The following BMP7 variants were observed in gnomAD, a reference collection of about 807,000 sequenced individuals.
BMP7 encodes the protein bone morphogenetic protein 7, also known as osteogenic protein 1.
A neutral mutation model predicts 41.2 loss-of-function variants in BMP7; 12 were observed. The ratio of observed to expected loss-of-function variants is 0.29; its 90% confidence interval spans 0.19 to 0.47. The LOEUF (loss-of-function observed/expected upper bound fraction) is 0.47, where lower values mean the gene tolerates loss of function less well. BMP7 is among the 20% of genes least tolerant of loss of function. The probability of loss-of-function intolerance (pLI) is 0.99; values close to 1 mark genes in which losing one functional copy is unlikely to be tolerated. For synonymous variants in BMP7, 248 were observed against 250.0 expected (o/e 0.99, Z 0.07); for missense variants, 467 against 606.0 (o/e 0.77, Z 2.41).
chr20:57,234,261 T>C (rs2066039686), intron 1 of BMP7, among the ~76,000 whole-genome samples: 1 of 152,226 alleles, frequency 6.6e-6, no homozygotes, highest in Admixed American at 6.5e-5. Flanking sequence ...TTTATTTTTA[T>C]TGGAACCTGG....
chr20:57,219,044 G>A (rs966513771), intron 2 of BMP7, among the ~76,000 whole-genome samples: 19 of 145,034 alleles, frequency 1.3e-4, no homozygotes, highest in South Asian at 1.3e-3. Flanking sequence ...GCTGGCGTTC[G>A]GTGGTAGCTG....
intron 2 of BMP7, among the ~76,000 whole-genome samples, chr20:57,226,205 GT>G (rs1201453954): frequency 6.6e-5 from 10 of 152,218 alleles, no homozygotes; most frequent in Admixed American, 2.0e-4. Flanking sequence ...ATGGGACCAG[GT>G]GCCCACAAAG....
intron 1 of BMP7, among the ~76,000 whole-genome samples, chr20:57,249,933 A>G (rs1309951653): frequency 1.3e-5 from 2 of 152,154 alleles, no homozygotes; most frequent in Non-Finnish European, 2.9e-5. Context: ...CAGAGAGGGA[A>G]ACTGAGGCCC....
At chr20:57,226,242 G>A (rs547675568) in intron 2 of BMP7, among the ~76,000 whole-genome samples, 2 of 152,318 alleles carry the variant, frequency 1.3e-5, no homozygotes, top group South Asian at 2.1e-4. Flanking sequence ...AAGAGCTGCC[G>A]GAGCTGAGTG....
intron 2 of BMP7, among the ~76,000 whole-genome samples, chr20:57,216,048 CTCAAAAACAGAGGCTGGGT>C (rs1985009058): frequency 1.3e-5 from 2 of 152,274 alleles, no homozygotes; most frequent in Admixed American, 1.3e-4. Flanking sequence ...ATTCAAGATT[CTCAAAAACAGAGGCTGGGT>C]TGGAACATCT....
intron 2 of BMP7, among the ~76,000 whole-genome samples, chr20:57,217,244 G>T (rs1002432): frequency 0.13 from 19,570 of 145,864 alleles, 3,124 homozygotes; most frequent in African/African-American, 0.39. Flanking sequence ...GGCTGAGCCC[G>T]CTCCCTAAGC....
In BMP7 at chr20:57,213,733, T is replaced by C. The variant is rs1270439692; in HGVS notation, c.612-11110A>G. Among the ~76,000 whole-genome samples the C allele has an allele frequency of 6.6e-6, 1 of 152,132 alleles. No homozygotes were observed. The highest frequency in any genetic ancestry group is 1.5e-5 in the Non-Finnish European group (1 of 68,004). On this transcript the variant is annotated intron_variant, in intron 2 of 6. Transcript: ENST00000395863. This position sits in a 1 kb window ranked among gnomAD's most constrained non-coding sequence, Gnocchi z 4.4. ...CCAGAGTGGTCCTCGGGTCCCACAG[T>C]GGGTGCTCAGGGATGTAGGCTGTAG...
intron 1 of BMP7, among the ~76,000 whole-genome samples, chr20:57,250,417 G>T (rs1208342157): frequency 6.7e-6 from 1 of 148,756 alleles, no homozygotes; most frequent in Admixed American, 6.7e-5. Context: ...TGTAGTTCCA[G>T]CTGCTCAGGA....
At chr20:57,252,334 G>C (rs780547737) in intron 1 of BMP7, among the ~76,000 whole-genome samples, 3 of 152,240 alleles carry the variant, frequency 2.0e-5, no homozygotes, top group Non-Finnish European at 4.4e-5. Flanking sequence ...GGGGTCTGAA[G>C]CAAGCAGGTC....
intron 1 of BMP7, 142 bp downstream of exon 1, chr20:57,265,562 TG>T: frequency 7.5e-7 from 1 of 1,335,990 alleles, no homozygotes; most frequent in Non-Finnish European, 1.0e-6. Context: ...CATAGGGCTG[TG>T]GGTGGGAGAC....
rs1984977194 is a variant in BMP7 at position 57,214,906 on chromosome 20, A to G, written c.612-12283T>C. ...TTAGCACAAAGCAGGCCTCAGATGC[A>G]CGCTGGACAAATGTGCTGGTATCCT... On this transcript the variant is annotated intron_variant, in intron 2 of 6. Transcript: ENST00000395863. The surrounding 1 kb of genome is among the most constrained non-coding windows in gnomAD (Gnocchi z 4.0). 1 of 152,294 alleles carries G rather than the reference A, an allele frequency of 6.6e-6. No individual in the cohort carries two copies. Among genetic ancestry groups the G allele is most frequent in the East Asian group, 1.9e-4 (1 of 5,200 alleles). 9.4% of individuals were successfully genotyped at this position (152,294 alleles called of 1,614,324 possible).
intron 3 of BMP7, among the ~76,000 whole-genome samples, chr20:57,188,453 G>A (rs1984271430): frequency 6.6e-6 from 1 of 151,952 alleles, no homozygotes. Flanking sequence ...GGGGTTGGGG[G>A]AGCAGAGAGT....
At chr20:57,251,926 T>C (rs1178793347) in intron 1 of BMP7, among the ~76,000 whole-genome samples, 3 of 152,146 alleles carry the variant, frequency 2.0e-5, no homozygotes, top group African/African-American at 7.2e-5. Flanking sequence ...AGAGCAAGGC[T>C]CTGTCTCAAA....
intron 4 of BMP7, among the ~76,000 whole-genome samples, chr20:57,179,817 A>G (rs1387633526): frequency 2.0e-5 from 3 of 152,174 alleles, no homozygotes; most frequent in Non-Finnish European, 1.5e-5. Context: ...AGCTGCAAAC[A>G]GGGCCACGAG....
intron 2 of BMP7, among the ~76,000 whole-genome samples, chr20:57,207,956 AG>A (rs1445143563): frequency 6.7e-6 from 1 of 150,058 alleles, no homozygotes; most frequent in East Asian, 2.0e-4. Context: ...CAGCCTCCCC[AG>A]TAGCTGGGAC....
At position 57,205,432 on chromosome 20, in the gene BMP7, C is replaced by T. The variant is rs193095424; in HGVS notation, c.612-2809G>A. ...TTCCTGCTGTCTTATCTCCAGTTTGCCTGGATGACTTTCCTGGCTTTGAAA... is the reference window on the plus strand; with the variant it reads ...TTCCTGCTGTCTTATCTCCAGTTTGTCTGGATGACTTTCCTGGCTTTGAAA... On this transcript the variant is annotated intron_variant, in intron 2 of 6. Coordinates refer to ENST00000395863, the MANE Select transcript of BMP7 (RefSeq NM_001719.3). 7.6e-3 allele frequency among the ~76,000 whole-genome samples: 1,157 copies of T among 152,284 alleles called. 5 individuals are homozygous for T. The highest frequency in any genetic ancestry group is 0.011 in the Non-Finnish European group (747 of 68,028).
In BMP7 at chr20:57,259,137, G is replaced by A. The variant is rs182295997; in HGVS notation, c.418+6568C>T. On this transcript the variant is annotated intron_variant, in intron 1 of 6. Coordinates refer to ENST00000395863, the MANE Select transcript of BMP7 (RefSeq NM_001719.3). This position sits in a 1 kb window ranked among gnomAD's most constrained non-coding sequence, Gnocchi z 4.7. The stretch of plus-strand genomic sequence containing the variant: ...TCTAAAGAGAATCACTGTGGATGCC[G>A]TTCCAATCTCCCTTGCCAAGTCACA... 6.6e-6 allele frequency among the ~76,000 whole-genome samples: 1 copy of A among 152,250 alleles called. No individual in the cohort carries two copies. Among genetic ancestry groups the A allele is most frequent in the African/African-American group, 2.4e-5 (1 of 41,536 alleles).
chr20:57,263,413 C>G (rs141389451), intron 1 of BMP7, among the ~76,000 whole-genome samples: 20 of 152,294 alleles, frequency 1.3e-4, no homozygotes, highest in African/African-American at 4.8e-4. Context: ...ATGGGGGGAG[C>G]AAATAGCCCG....
intron 2 of BMP7, among the ~76,000 whole-genome samples, chr20:57,209,432 G>A (rs944987008): frequency 6.6e-6 from 1 of 151,612 alleles, no homozygotes. Context: ...GTGACAGAGC[G>A]AGACCCTGTC....
Sources: allele counts gnomAD v4.1 joint callset (sites outside exome capture counted in the v4.1 genomes callset), GRCh38; gene constraint gnomAD v4.1.1; non-coding constraint Gnocchi (gnomAD v3.1); transcripts MANE v1.5; gene names NCBI Gene and HGNC (gene_info 2026-07-23, HGNC 2026-07-21).